HIP1R: variants seen among roughly 807,000 people sequenced by gnomAD.
HIP1R encodes the protein huntingtin-interacting protein 1-related protein.
In HIP1R, 135 loss-of-function variants were observed where a neutral mutation model predicts 144.2. That is an observed-to-expected ratio of 0.94 (90% CI 0.81 to 1.08). The LOEUF (loss-of-function observed/expected upper bound fraction) is 1.08, where lower values mean the gene tolerates loss of function less well. HIP1R is among the 50% of genes least tolerant of loss of function. The probability of loss-of-function intolerance (pLI) is 0.00; values close to 1 mark genes in which losing one functional copy is unlikely to be tolerated. For synonymous variants in HIP1R, 698 were observed against 612.8 expected (o/e 1.14, Z -2.05); for missense variants, 1,462 against 1,432.8 (o/e 1.02, Z -0.33).
chr12:122,859,699 G>A, intron 23 of HIP1R, 73 bp from the exon 24 acceptor site: 1 of 1,535,376 alleles, frequency 6.5e-7, no homozygotes, highest in Non-Finnish European at 9.0e-7. Context: ...GAGAGGGCAG[G>A]AGGCAGCCCT....
chr12:122,861,864 A>G lies in HIP1R; in HGVS notation c.*111A>G. On this transcript the variant is annotated 3_prime_UTR_variant, in exon 32 of 32. Transcript: ENST00000253083. ...ACCTGGTGCCCAAGCCTCCCGCCCC[A>G]CCGTCTGGATCAATGTCCTCAAGGC... is the stretch of plus-strand genomic sequence containing the variant. 1.0e-6 allele frequency: 1 copy of G among 980,890 alleles called. No individual in the cohort carries two copies. Among genetic ancestry groups the G allele is most frequent in the South Asian group, 1.5e-5 (1 of 68,256 alleles). The allele number at this position is 980,890 out of a possible 1,614,324, so 60.8% of individuals were successfully genotyped here.
chr12:122,859,027 G>T (rs553321000), intron 21 of HIP1R, 34 bp from the exon 22 acceptor site: 2 of 1,212,006 alleles, frequency 1.7e-6, no homozygotes, highest in Admixed American at 5.5e-5. Flanking sequence ...CTGTCGGTGG[G>T]GGGGGCTCCA....
At position 122,855,562 on chromosome 12, in the gene HIP1R, C is replaced by G; in HGVS notation, c.1005C>G (p.Asp335Glu). ...CTTTGCTGTGGCAGGTGGTGGCTGACCTCTTCGATCAGACGTTTGGACCCC... is the reference window on the plus strand; with the variant it reads ...CTTTGCTGTGGCAGGTGGTGGCTGAGCTCTTCGATCAGACGTTTGGACCCC... ...PPAGEPVVVA[D>E]LFDQTFGPPN... is the part of the protein sequence containing the mutation. The change falls in exon 12 of 32, where the codon GAC becomes GAG. Residue 335 changes from aspartate (D) to glutamate (E), a missense_variant. Around this residue, in one of 2 missense-constraint regions of HIP1R, gnomAD observed 1,112 missense variants for 1,011.7 expected, o/e 1.10. Transcript: ENST00000253083. 1 of 1,549,496 alleles carries G rather than the reference C, an allele frequency of 6.5e-7. No individual in the cohort carries two copies. Among genetic ancestry groups the G allele is most frequent in the Non-Finnish European group, 8.7e-7 (1 of 1,147,040 alleles).
In HIP1R at chr12:122,856,477, G is replaced by A; in HGVS notation, c.1447G>A (p.Glu483Lys). The A allele has an allele frequency of 6.3e-7, 1 of 1,590,682 alleles. No individual in the cohort carries two copies. Among genetic ancestry groups the A allele is most frequent in the Non-Finnish European group, 8.6e-7 (1 of 1,168,072 alleles). Residue 483 changes from glutamate to lysine, a missense_variant, in exon 16 of 32, where the codon GAG becomes AAG. Around this residue, in one of 2 missense-constraint regions of HIP1R, gnomAD observed 1,112 missense variants for 1,011.7 expected, o/e 1.10. Coordinates refer to ENST00000253083, the MANE Select transcript of HIP1R (RefSeq NM_003959.3). Reference protein sequence around the residue: ...KQLTVTQQSQEEVARVKEQLA... With the variant: ...KQLTVTQQSQKEVARVKEQLA... ...GCTGACGGTGACGCAGCAAAGCCAG[G>A]AGGAGGTGGCGCGGGTGAAGGAGCA...
chr12:122,854,571 C>T (rs535727400), intron 8 of HIP1R, among the ~76,000 whole-genome samples: 5 of 152,308 alleles, frequency 3.3e-5, no homozygotes, highest in East Asian at 1.9e-4. Context: ...GTCCCTCGAC[C>T]GCACTTTGAG....
At chr12:122,854,254 GGAAAATC>G in intron 8 of HIP1R, 71 bp downstream of exon 8, 3 of 1,370,176 alleles carry the variant, frequency 2.2e-6, no homozygotes, top group Non-Finnish European at 2.9e-6. Flanking sequence ...CTGTCAAAAA[GGAAAATC>G]GAAAAATTAG....
At position 122,856,065 on chromosome 12, in the gene HIP1R, C is replaced by G. The variant is rs1429998816; in HGVS notation, c.1214C>G (p.Ala405Gly). The G allele has an allele frequency of 3.1e-6, 5 of 1,591,406 alleles. No individual in the cohort carries two copies. Among genetic ancestry groups the G allele is most frequent in the Non-Finnish European group, 4.3e-6 (5 of 1,169,270 alleles). ...LEEQRKQKQK[A>G]LVDNEQLRHE... ...GAGCAGCGGAAGCAGAAGCAGAAGG[C>G]CCTGGTGGATAATGAGCAGCTCCGC... Residue 405 changes from alanine (A) to glycine (G), a missense_variant, in exon 14 of 32, where the codon GCC becomes GGC. Physicochemically the swap from Ala to Gly is moderately conservative, Grantham distance 60. Coordinates refer to ENST00000253083, the MANE Select transcript of HIP1R (RefSeq NM_003959.3).
At chr12:122,847,960 C>T in intron 1 of HIP1R, 71 bp from the exon 2 acceptor site, 1 of 1,431,032 alleles carries the variant, frequency 7.0e-7, no homozygotes, top group Admixed American at 1.7e-5. Context: ...TATTGTGCTT[C>T]TCCCCCTTGG....
chr12:122,861,008 C>T lies in HIP1R; in HGVS notation c.2859C>T (p.Thr953=). The T allele has an allele frequency of 6.2e-7, 1 of 1,613,732 alleles. No homozygotes were observed. The highest frequency in any genetic ancestry group is 1.7e-5 in the Admixed American group (1 of 60,016). ...GGGCTGCCAATGTGGTGGCCTCCACCAAGTCAGGCCAGGAGCAGATTGAGG... is the reference window on the plus strand; with the variant it reads ...GGGCTGCCAATGTGGTGGCCTCCACTAAGTCAGGCCAGGAGCAGATTGAGG... ...NERAANVVAS[T]KSGQEQIEDR... is the part of the protein sequence containing the mutation. The change falls in exon 29 of 32, where the codon ACC becomes ACT. Residue 953 remains threonine (T), a synonymous_variant. Transcript: ENST00000253083.
chr12:122,837,639 C>T (rs1049108092), intron 1 of HIP1R, among the ~76,000 whole-genome samples: 4 of 152,118 alleles, frequency 2.6e-5, no homozygotes, highest in African/African-American at 9.7e-5. Flanking sequence ...TTTTGTTTTG[C>T]TCTGGTTTTT....
rs2033649869 is a variant in HIP1R, at chr12:122,858,145, A to G, written c.1859A>G (p.Gln620Arg). The change falls in exon 19 of 32, where the codon CAG becomes CGG. Residue 620 changes from glutamine to arginine, a missense_variant. Around this residue, in one of 2 missense-constraint regions of HIP1R, gnomAD observed 1,112 missense variants for 1,011.7 expected, o/e 1.10. Transcript: ENST00000253083. ...QGLRQRLLDE[Q>R]FAVLRGAAAE... ...CTGCGGCAGAGGCTGCTGGACGAGC[A>G]GTTCGCAGTGTTGCGGGGCGCTGCT... 2 of 1,603,040 alleles carry G rather than the reference A, an allele frequency of 1.2e-6. No individual in the cohort carries two copies. The highest frequency in any genetic ancestry group is 1.3e-5 in the African/African-American group (1 of 74,956).
rs755480400 is a variant in HIP1R, at chr12:122,861,314, G to A, written c.2959G>A (p.Val987Ile). ...KKQEMETQVRVLELEKTLEAE... is the reference protein window; with the variant it reads ...KKQEMETQVRILELEKTLEAE... ...GCAGGCCGTGTGGCTACAGGTGCGT[G>A]TCCTGGAGCTGGAGAAGACGCTGGA... The change falls in exon 31 of 32, where the codon GTC (valine) becomes ATC (isoleucine). Residue 987 changes from valine (V) to isoleucine (I), a missense_variant. Val to Ile is a conservative substitution (Grantham distance 29, BLOSUM62 3). Transcript: ENST00000253083. The A allele has an allele frequency of 1.2e-6, 2 of 1,613,738 alleles. No homozygotes were observed. The highest frequency in any genetic ancestry group is 1.1e-5 in the South Asian group (1 of 91,088).
In HIP1R at chr12:122,856,013, G is replaced by T; in HGVS notation, c.1162G>T (p.Val388Leu). The change falls in exon 14 of 32, where the codon GTG (valine) becomes TTG (leucine). Residue 388 changes from valine (V) to leucine (L), a missense_variant. This residue lies in a region of HIP1R where 1,112 missense variants were observed against 1,011.7 expected (regional missense o/e 1.10). Transcript: ENST00000253083. ...GTACATCGCGCAGCTGAAGAGCCAG[G>T]TGAATGCACTGGAGGGTGAGCTGGA... ...QRYIAQLKSQ[V>L]NALEGELEEQ... The T allele has an allele frequency of 3.1e-6, 5 of 1,596,074 alleles. No homozygotes were observed. Among genetic ancestry groups the T allele is most frequent in the Non-Finnish European group, 4.3e-6 (5 of 1,171,676 alleles).
chr12:122,851,227 C>A lies in HIP1R; in HGVS notation c.516-9C>A, dbSNP rs763557370. The A allele has an allele frequency of 6.7e-7, 1 of 1,502,730 alleles. No individual in the cohort carries two copies. The highest frequency in any genetic ancestry group is 8.8e-7 in the Non-Finnish European group (1 of 1,132,106). 93.1% of individuals were successfully genotyped at this position (1,502,730 alleles called of 1,614,324 possible). On this transcript the variant is annotated splice_polypyrimidine_tract_variant and intron_variant, in intron 6 of 31. Transcript: ENST00000253083. ...CTTTTTCATTTCTTCCCCCACTTCT[C>A]TTGCGTAGCTTCCAGCTCACTGTGG...
Position 122,855,358 on chromosome 12 carries a change from G to A in HIP1R, c.946G>A (p.Glu316Lys). Residue 316 changes from glutamate (E) to lysine (K), a missense_variant, in exon 11 of 32, where the codon GAG (glutamate) becomes AAG (lysine). Physicochemically the swap from Glu to Lys is moderately conservative, Grantham distance 56. Around this residue, in one of 2 missense-constraint regions of HIP1R, gnomAD observed 1,112 missense variants for 1,011.7 expected, o/e 1.10. Transcript: ENST00000253083. ...PEEAPEDEEP[E>K]NLIEISTGPP... Reference sequence around the variant, plus strand: ...GGAGGCCCCGGAAGATGAGGAGCCGGAGAATCTCATTGAGATCAGCACAGG... The same window carrying A: ...GGAGGCCCCGGAAGATGAGGAGCCGAAGAATCTCATTGAGATCAGCACAGG... The A allele has an allele frequency of 6.2e-7, 1 of 1,602,656 alleles. No homozygotes were observed. The highest frequency in any genetic ancestry group is 8.5e-7 in the Non-Finnish European group (1 of 1,175,622).
Position 122,856,715 on chromosome 12 carries a change from C to T in HIP1R, c.1609C>T (p.His537Tyr). The stretch of plus-strand genomic sequence containing the variant: ...GGCCCGCGCGCAGGAGGCCCTGAGC[C>T]ACACAGAGCAGGTGCATCTGGCTTT... The part of the protein sequence containing the change: ...ELARAQEALS[H>Y]TEQSKSELSS... The change falls in exon 17 of 32, where the codon CAC (histidine) becomes TAC (tyrosine). Residue 537 changes from histidine (H) to tyrosine (Y), a missense_variant. His to Tyr is a moderately conservative substitution (Grantham distance 83). Around this residue, in one of 2 missense-constraint regions of HIP1R, gnomAD observed 1,112 missense variants for 1,011.7 expected, o/e 1.10. Transcript: ENST00000253083. 1 of 1,575,456 alleles carries T rather than the reference C, an allele frequency of 6.3e-7. No homozygotes were observed. The highest frequency in any genetic ancestry group is 1.8e-5 in the Admixed American group (1 of 54,504).
intron 26 of HIP1R, 25 bp from the exon 27 acceptor site, chr12:122,860,398 T>C (rs200024019): frequency 6.2e-7 from 1 of 1,611,198 alleles, no homozygotes; most frequent in East Asian, 2.2e-5. Flanking sequence ...TGGCATGTCC[T>C]GCCCTGTTCT....
chr12:122,839,010 G>T (rs943215740), intron 1 of HIP1R, among the ~76,000 whole-genome samples: 33 of 152,318 alleles, frequency 2.2e-4, no homozygotes, highest in Non-Finnish European at 2.2e-4. Context: ...GCGAGTTTGT[G>T]TGATTTGTTA....
Position 122,860,070 on chromosome 12 carries a change from T to C in HIP1R, c.2489T>C (p.Leu830Pro). The C allele has an allele frequency of 6.4e-7, 1 of 1,573,662 alleles. No individual in the cohort carries two copies. Among genetic ancestry groups the C allele is most frequent in the African/African-American group, 1.3e-5 (1 of 74,084 alleles). The change falls in exon 25 of 32, where the codon CTG (leucine) becomes CCG (proline). Residue 830 changes from leucine (L) to proline (P), a missense_variant. Leu to Pro is a moderately conservative substitution (Grantham distance 98, BLOSUM62 -3). Around this residue, in one of 2 missense-constraint regions of HIP1R, gnomAD observed 1,112 missense variants for 1,011.7 expected, o/e 1.10. Coordinates refer to ENST00000253083, the MANE Select transcript of HIP1R (RefSeq NM_003959.3). ...NERILNSCTD[L>P]MKAIRLLVTT... ...AGGATCCTCAACTCCTGCACAGACC[T>C]GATGAAGGTGAGGGGCTGTGACCCG...
Sources: allele counts gnomAD v4.1 joint callset (sites outside exome capture counted in the v4.1 genomes callset), GRCh38; gene constraint gnomAD v4.1.1; regional missense constraint gnomAD v4.1.1; transcripts MANE v1.5; gene names NCBI Gene and HGNC (gene_info 2026-07-23, HGNC 2026-07-21).